PPP2R5E: variants seen among roughly 807,000 people sequenced by gnomAD.
PPP2R5E encodes serine/threonine-protein phosphatase 2A 56 kDa regulatory subunit epsilon isoform.
In PPP2R5E, 4 loss-of-function variants were observed where a neutral mutation model predicts 65.3. The ratio of observed to expected loss-of-function variants is 0.06; its 90% CI spans 0.03 to 0.14. The LOEUF (loss-of-function observed/expected upper bound fraction) is 0.14. Ranked by LOEUF, PPP2R5E falls within the 10% of genes least tolerant of loss-of-function variation. The pLI is 1.00. For missense variants in PPP2R5E, 274 were observed against 556.1 expected (o/e 0.49, Z 5.10); for synonymous variants, 183 against 187.4 (o/e 0.98, Z 0.19).
At chr14:63,487,413 T>C in intron 2 of PPP2R5E, among the ~76,000 whole-genome samples, 1 of 152,202 alleles carries the variant, frequency 6.6e-6, no homozygotes, top group South Asian at 2.1e-4. Context: ...TTGTTGCTAG[T>C]AACACCAACA....
chr14:63,444,644 T>C (rs1566707058), intron 3 of PPP2R5E, among the ~76,000 whole-genome samples: 1 of 151,476 alleles, frequency 6.6e-6, no homozygotes, highest in Non-Finnish European at 1.5e-5. Context: ...CAATATAAAA[T>C]ACACAGAGTT....
intron 3 of PPP2R5E, among the ~76,000 whole-genome samples, chr14:63,433,359 T>A (rs188580165): frequency 9.1e-4 from 138 of 152,192 alleles, no homozygotes; most frequent in African/African-American, 3.2e-3. Flanking sequence ...AGGGGCTCTG[T>A]GGGTACAACA....
intron 2 of PPP2R5E, among the ~76,000 whole-genome samples, chr14:63,490,170 G>T (rs1481430252): frequency 6.6e-6 from 1 of 152,012 alleles, no homozygotes; most frequent in Non-Finnish European, 1.5e-5. Flanking sequence ...CTGAGCACTT[G>T]GGAAATATGA....
At chr14:63,489,187 G>A (rs533915284) in intron 2 of PPP2R5E, among the ~76,000 whole-genome samples, 7 of 151,982 alleles carry the variant, frequency 4.6e-5, no homozygotes, top group South Asian at 4.1e-4. Flanking sequence ...ATTTGGGGGG[G>A]TAGTTTATTT....
chr14:63,463,674 G>A (rs1258699202), intron 2 of PPP2R5E, among the ~76,000 whole-genome samples: 3 of 150,304 alleles, frequency 2.0e-5, no homozygotes, highest in Non-Finnish European at 4.4e-5. Context: ...TCGGCTCACT[G>A]CAAGCTCCGC....
At chr14:63,506,236 G>A (rs1892168104) in intron 2 of PPP2R5E, among the ~76,000 whole-genome samples, 1 of 152,106 alleles carries the variant, frequency 6.6e-6, no homozygotes, top group Admixed American at 6.6e-5. Context: ...GGATCACAAG[G>A]TCAGGAGATG....
intron 2 of PPP2R5E, among the ~76,000 whole-genome samples, chr14:63,523,259 A>C (rs1186711583): frequency 6.6e-6 from 1 of 152,084 alleles, no homozygotes; most frequent in Non-Finnish European, 1.5e-5. Flanking sequence ...GGTTTTGTGG[A>C]GTAGAAAGTG....
In PPP2R5E at chr14:63,374,552, A is replaced by C. The variant is rs1883869431; in HGVS notation, c.*1457T>G. ...TAATGCAACTGCATTAGGTAAGTAC[A>C]TACTGTACACAAATTTTATCAGCAG... On this transcript the variant is annotated 3_prime_UTR_variant, in exon 14 of 14. Coordinates refer to ENST00000337537, the MANE Select transcript of PPP2R5E (RefSeq NM_006246.5). 1 of 150,286 alleles carries C rather than the reference A, an allele frequency of 6.7e-6. No homozygotes were observed. The highest frequency in any genetic ancestry group is 2.5e-5 in the African/African-American group (1 of 40,666). 9.3% of individuals were successfully genotyped at this position (150,286 alleles called of 1,614,324 possible). A position where few individuals can be genotyped will look rare whatever the true frequency, so the allele number is the denominator to read the frequency against.
intron 8 of PPP2R5E, among the ~76,000 whole-genome samples, chr14:63,393,246 G>A (rs536659822): frequency 6.6e-6 from 1 of 152,272 alleles, no homozygotes; most frequent in African/African-American, 2.4e-5. Context: ...GTATGTTATT[G>A]TGTGCACTTG....
intron 5 of PPP2R5E, among the ~76,000 whole-genome samples, chr14:63,402,831 A>G (rs192574351): frequency 2.6e-5 from 4 of 152,340 alleles, no homozygotes; most frequent in Non-Finnish European, 4.4e-5. Flanking sequence ...AAATTATCTG[A>G]AGAATAATTC....
At chr14:63,399,186 A>T (rs1196023937) in intron 5 of PPP2R5E, among the ~76,000 whole-genome samples, 2 of 152,202 alleles carry the variant, frequency 1.3e-5, no homozygotes, top group Non-Finnish European at 2.9e-5. Flanking sequence ...GGAACAAAGT[A>T]ACTGATACAT....
At chr14:63,426,699 C>CAAAAAAAAAAAAAAAAAAAAAA (rs1191603099) in intron 3 of PPP2R5E, among the ~76,000 whole-genome samples, 1 of 54,794 alleles carries the variant, frequency 1.8e-5, no homozygotes, top group African/African-American at 4.4e-5. Context: ...AAAGGCTTAT[C>CAAAAAAAAAAAAAAAAAAAAAA]AAAAAAAAAA....
chr14:63,441,638 G>A (rs1016274579), intron 3 of PPP2R5E, among the ~76,000 whole-genome samples: 8 of 152,156 alleles, frequency 5.3e-5, no homozygotes, highest in Admixed American at 2.0e-4. Context: ...ACAGCAGGGC[G>A]CGGTGGTTCA....
chr14:63,449,589 C>T (rs1465608002), intron 3 of PPP2R5E, among the ~76,000 whole-genome samples: 1 of 152,126 alleles, frequency 6.6e-6, no homozygotes, highest in Non-Finnish European at 1.5e-5. Flanking sequence ...CCTTACAGAA[C>T]AGTAAGCACA....
At chr14:63,466,789 A>G (rs1889828968) in intron 2 of PPP2R5E, among the ~76,000 whole-genome samples, 1 of 152,028 alleles carries the variant, frequency 6.6e-6, no homozygotes, top group African/African-American at 2.4e-5. Flanking sequence ...GTATACATAC[A>G]TATGTGTATG....
Position 63,400,394 on chromosome 14 carries a change from G to C in PPP2R5E, c.550-3678C>G, listed in dbSNP as rs77587886. ...TTCTAAAGGAAGAGACATCCAGGCT[G>C]ACCGATGAAGAAATGAGGAGTTAGA... On this transcript the variant is annotated intron_variant, in intron 5 of 13. Transcript: ENST00000337537. 9.0e-3 allele frequency among the ~76,000 whole-genome samples: 1,376 copies of C among 152,282 alleles called. 17 individuals are homozygous for C. Among genetic ancestry groups the C allele is most frequent in the African/African-American group, 0.032 (1,313 of 41,560 alleles).
chr14:63,468,563 A>C (rs1354878439), intron 2 of PPP2R5E, among the ~76,000 whole-genome samples: 2 of 152,258 alleles, frequency 1.3e-5, no homozygotes, highest in African/African-American at 4.8e-5. Context: ...CATCTGGGAC[A>C]GAGAAGCTAG....
chr14:63,374,004 TAAAAAAAAA>T lies in PPP2R5E; in HGVS notation c.*1996_*2004del, dbSNP rs3081721. On this transcript the variant is annotated 3_prime_UTR_variant, in exon 14 of 14. Transcript: ENST00000337537. The stretch of plus-strand genomic sequence containing the variant: ...ACAGTGAATCCCCATCAATGTTCTT[TAAAAAAAAA>T]AAAAAAAAAACTATTAATTCCATTA... 1 of 131,136 alleles carries T rather than the reference TAAAAAAAAA, an allele frequency of 7.6e-6. No individual in the cohort carries two copies. The highest frequency in any genetic ancestry group is 2.7e-5 in the African/African-American group (1 of 36,580). 8.1% of individuals were successfully genotyped at this position (131,136 alleles called of 1,614,324 possible). A position where few individuals can be genotyped will look rare whatever the true frequency, so the allele number is the denominator to read the frequency against.
At chr14:63,447,800 C>T (rs959943744) in intron 3 of PPP2R5E, among the ~76,000 whole-genome samples, 1 of 152,034 alleles carries the variant, frequency 6.6e-6, no homozygotes, top group Non-Finnish European at 1.5e-5. Context: ...TGTGACTCTT[C>T]CTTTCATTGG....
Sources: allele counts gnomAD v4.1 joint callset (sites outside exome capture counted in the v4.1 genomes callset), GRCh38; gene constraint gnomAD v4.1.1; transcripts MANE v1.5; gene names NCBI Gene and HGNC (gene_info 2026-07-23, HGNC 2026-07-21).